The following NAV3 variants were observed in gnomAD, a reference collection of about 807,000 sequenced individuals.
NAV3 encodes the protein pore membrane and/or filament interacting like protein 1.
A neutral mutation model predicts 244.7 loss-of-function variants in NAV3; 87 were observed. The observed-to-expected ratio is 0.36, with a 90% CI of 0.30 to 0.42. The LOEUF (loss-of-function observed/expected upper bound fraction) is 0.42, where lower values mean the gene tolerates loss of function less well. Among genes scored for constraint, NAV3 ranks in the 20% least tolerant of loss-of-function variants. NAV3 has a pLI of 1.00. For synonymous variants in NAV3, 1,126 were observed against 1,042.2 expected, an observed-to-expected ratio of 1.08 and a Z score of -1.55; for missense variants, 2,663 against 2,893.3, an observed-to-expected ratio of 0.92 and a Z score of 1.83.
chr12:78,088,203 A>G (rs896032238), intron 12 of NAV3, among the ~76,000 whole-genome samples: 1 of 151,974 alleles, frequency 6.6e-6, no homozygotes, highest in Admixed American at 6.6e-5. Context: ...TTAACATAAT[A>G]TATAAAATAC....
intron 8 of NAV3, among the ~76,000 whole-genome samples, chr12:78,016,918 G>A (rs1402620962): frequency 6.6e-6 from 1 of 152,040 alleles, no homozygotes; most frequent in Non-Finnish European, 1.5e-5. Context: ...TTTAACGACC[G>A]AGTGACTGAG....
At position 78,192,469 on chromosome 12, in the gene NAV3, G is replaced by A. The variant is rs137916542; in HGVS notation, c.6291+2250G>A. On this transcript the variant is annotated intron_variant, in intron 34 of 39. Coordinates refer to ENST00000397909, the MANE Select transcript of NAV3 (RefSeq NM_001024383.2). ...TGCCCAAGCTGGAGTACAGTGGCAC[G>A]ATCTCGGCTCACTGCAACCTCTGCC... 5.1e-3 allele frequency among the ~76,000 whole-genome samples: 777 copies of A among 151,174 alleles called. 9 individuals carry two copies. The highest frequency in any genetic ancestry group is 0.017 in the African/African-American group (696 of 41,172).
At chr12:77,949,933 T>C (rs932594260) in intron 3 of NAV3, among the ~76,000 whole-genome samples, 1 of 152,082 alleles carries the variant, frequency 6.6e-6, no homozygotes, top group Non-Finnish European at 1.5e-5. Context: ...ACTTTTCAGG[T>C]TGGCTTCTTT....
At chr12:77,938,401 AT>A (rs1889535187) in intron 1 of NAV3, among the ~76,000 whole-genome samples, 1 of 152,152 alleles carries the variant, frequency 6.6e-6, no homozygotes, top group African/African-American at 2.4e-5. Flanking sequence ...TTACCCTTCA[AT>A]ATCTTCAACA....
At chr12:78,028,717 T>C (rs1878487543) in intron 9 of NAV3, among the ~76,000 whole-genome samples, 1 of 152,216 alleles carries the variant, frequency 6.6e-6, no homozygotes, top group South Asian at 2.1e-4. Context: ...TTTGCAAACA[T>C]TTTGCATCAG....
At chr12:78,047,848 CA>C (rs1882090944) in intron 9 of NAV3, among the ~76,000 whole-genome samples, 1 of 152,182 alleles carries the variant, frequency 6.6e-6, no homozygotes, top group Non-Finnish European at 1.5e-5. Flanking sequence ...GTATACCAGT[CA>C]AACCTAGGTT....
chr12:77,899,535 C>T lies in NAV3; in HGVS notation c.244-40784C>T, dbSNP rs925165145. Among the ~76,000 whole-genome samples the T allele has an allele frequency of 1.2e-4, 18 of 152,288 alleles. 2 individuals carry two copies. Among genetic ancestry groups the T allele is most frequent in the Admixed American group, 9.8e-4 (15 of 15,300 alleles). On this transcript the variant is annotated intron_variant, in intron 1 of 39. Coordinates refer to ENST00000397909, the MANE Select transcript of NAV3 (RefSeq NM_001024383.2). ...AAGGTATTTGTAATTAAGGTATGCA[C>T]ATTACATTTTTAGACGTAATACTCA...
intron 2 of NAV3, among the ~76,000 whole-genome samples, chr12:77,678,298 C>G (rs1191532978): frequency 1.3e-5 from 2 of 152,060 alleles, no homozygotes; most frequent in African/African-American, 4.8e-5. Flanking sequence ...TATTCAGCAT[C>G]ACCAGAAGAA....
intron 1 of NAV3, among the ~76,000 whole-genome samples, chr12:77,865,867 G>T (rs1020120170): frequency 6.6e-5 from 10 of 151,464 alleles, no homozygotes; most frequent in Non-Finnish European, 1.3e-4. Flanking sequence ...GCCATTTCCT[G>T]TTTTTCCTAA....
intron 34 of NAV3, among the ~76,000 whole-genome samples, chr12:78,192,535 A>G (rs1227977366): frequency 1.3e-5 from 2 of 151,616 alleles, no homozygotes; most frequent in Admixed American, 6.6e-5. Context: ...CCTCCTGAGT[A>G]GCTGAGACTA....
intron 12 of NAV3, among the ~76,000 whole-genome samples, chr12:78,114,786 A>G (rs1051868517): frequency 3.9e-5 from 6 of 152,290 alleles, no homozygotes; most frequent in African/African-American, 1.2e-4. Context: ...GAGCAACCAC[A>G]AATGACAGAT....
At chr12:78,070,117 A>G (rs530472803) in intron 12 of NAV3, among the ~76,000 whole-genome samples, 1 of 152,146 alleles carries the variant, frequency 6.6e-6, no homozygotes, top group Non-Finnish European at 1.5e-5. Flanking sequence ...CTAACGTCAG[A>G]CACGTTGGAC....
At chr12:78,115,292 G>A (rs1955318327) in intron 12 of NAV3, among the ~76,000 whole-genome samples, 2 of 152,058 alleles carry the variant, frequency 1.3e-5, no homozygotes, top group African/African-American at 4.8e-5. Context: ...CACAGGTATG[G>A]GTATCTTTAC....
intron 11 of NAV3, among the ~76,000 whole-genome samples, chr12:78,055,346 A>G (rs1415903588): frequency 6.6e-6 from 1 of 152,202 alleles, no homozygotes; most frequent in Admixed American, 6.5e-5. Flanking sequence ...TGAATTCTGC[A>G]TATAATAATA....
At chr12:77,680,988 G>A (rs1158199662) in intron 2 of NAV3, among the ~76,000 whole-genome samples, 7 of 152,068 alleles carry the variant, frequency 4.6e-5, no homozygotes, top group South Asian at 2.1e-4. Context: ...GGGGAGGGGC[G>A]GAAGTCATTC....
chr12:78,019,826 C>A (rs11107885), intron 8 of NAV3, among the ~76,000 whole-genome samples: 8,888 of 152,132 alleles, frequency 0.058, 228 homozygotes, highest in Admixed American at 0.077. Context: ...AAGTTTTCAC[C>A]AGAGGGCTCC....
chr12:77,696,798 C>A (rs35882623), intron 2 of NAV3, among the ~76,000 whole-genome samples: 14,235 of 152,142 alleles, frequency 0.094, 896 homozygotes, highest in Non-Finnish European at 0.14. Context: ...TGTTTATAAT[C>A]TAATGCTTGA....
intron 4 of NAV3, among the ~76,000 whole-genome samples, chr12:77,968,211 C>T (rs1892682150): frequency 6.6e-6 from 1 of 152,188 alleles, no homozygotes; most frequent in Non-Finnish European, 1.5e-5. Context: ...CAAGAGAGAG[C>T]TCATTTATTT....
At chr12:78,109,812 A>G (rs1349543325) in intron 12 of NAV3, among the ~76,000 whole-genome samples, 1 of 152,022 alleles carries the variant, frequency 6.6e-6, no homozygotes, top group Non-Finnish European at 1.5e-5. Flanking sequence ...AATAAAGGCC[A>G]TATGTGACAA....
Sources: allele counts gnomAD v4.1 joint callset (sites outside exome capture counted in the v4.1 genomes callset), GRCh38; gene constraint gnomAD v4.1.1; transcripts MANE v1.5; gene names NCBI Gene and HGNC (gene_info 2026-07-23, HGNC 2026-07-21).